The following MTCL1 variants were observed in gnomAD, a reference collection of about 807,000 sequenced individuals.
MTCL1 encodes microtubule cross-linking factor 1.
Under a neutral mutation model 141.4 loss-of-function variants are expected in MTCL1, and 79 were observed. The observed-to-expected ratio is 0.56, with a 90% CI of 0.47 to 0.67. The LOEUF (loss-of-function observed/expected upper bound fraction) is 0.67, where lower values mean the gene tolerates loss of function less well. Ranked by LOEUF, MTCL1 falls within the 30% of genes least tolerant of loss-of-function variation. The probability of loss-of-function intolerance (pLI) is 0.00; values close to 1 mark genes in which losing one functional copy is unlikely to be tolerated. For missense variants in MTCL1, 2,177 were observed against 2,113.9 expected (o/e 1.03, Z -0.59); for synonymous variants, 914 against 875.8 (o/e 1.04, Z -0.77).
chr18:8,786,118 C>CCA, intron 7 of MTCL1, 27 bp downstream of exon 6: 4 of 1,400,600 alleles, frequency 2.9e-6, no homozygotes, highest in South Asian at 1.3e-5. Flanking sequence ...AATCCCCCCC[C>CCA]CCCGCCCTCC....
At chr18:8,733,402 TTTTG>T (rs565173859) in intron 4 of MTCL1, among the ~76,000 whole-genome samples, 175 of 152,188 alleles carry the variant, frequency 1.1e-3, no homozygotes, top group African/African-American at 3.9e-3. Context: ...CGGCCTCATT[TTTTG>T]TTTGTTTGTT....
intron 11 of MTCL1, among the ~76,000 whole-genome samples, chr18:8,811,917 G>C (rs2076501004): frequency 6.6e-6 from 1 of 152,224 alleles, no homozygotes; most frequent in Non-Finnish European, 1.5e-5. Flanking sequence ...TGCAGTTTTA[G>C]TGTTTGCCCT....
At position 8,810,817 on chromosome 18, in the gene MTCL1, C is replaced by T. The variant is rs188319590; in HGVS notation, c.2605-2162C>T. Among the ~76,000 whole-genome samples the T allele has an allele frequency of 3.9e-5, 6 of 152,290 alleles. No individual in the cohort carries two copies. In the East Asian group the frequency reaches 9.6e-4, roughly 24 times the overall value. ...ATTTTATAAATAATTGATCAAGAAGCGTCACCACTGACCTGTGCCCGTGGC... is the reference window on the plus strand; with the variant it reads ...ATTTTATAAATAATTGATCAAGAAGTGTCACCACTGACCTGTGCCCGTGGC... On this transcript the variant is annotated intron_variant, in intron 11 of 16. Transcript: ENST00000359865. This position sits in a 1 kb window ranked among gnomAD's most constrained non-coding sequence, Gnocchi z 5.0.
chr18:8,828,815 G>A lies in MTCL1; in HGVS notation c.4723-93G>A. Reference sequence around the variant, plus strand: ...GAGAGGGATGGTCCTCTACCTCCGGGCTTGCTGACTTTAAACCTTTATTGT... The same window carrying A: ...GAGAGGGATGGTCCTCTACCTCCGGACTTGCTGACTTTAAACCTTTATTGT... On this transcript the variant is annotated intron_variant, in intron 15 of 16. Transcript: ENST00000359865. The surrounding 1 kb of genome is among the most constrained non-coding windows in gnomAD (Gnocchi z 5.2). The A allele has an allele frequency of 6.3e-7, 1 of 1,592,252 alleles. No homozygotes were observed. The highest frequency in any genetic ancestry group is 2.2e-5 in the East Asian group (1 of 44,508).
chr18:8,724,967 CTTTT>C (rs11336536), intron 4 of MTCL1, among the ~76,000 whole-genome samples: 2 of 145,918 alleles, frequency 1.4e-5, no homozygotes, highest in Admixed American at 6.8e-5. Flanking sequence ...CAATTTTCAT[CTTTT>C]TTTTTTTTTC....
chr18:8,760,763 C>A (rs767962317), intron 4 of MTCL1, among the ~76,000 whole-genome samples: 2 of 152,100 alleles, frequency 1.3e-5, no homozygotes, highest in Non-Finnish European at 2.9e-5. Context: ...TTGTAGAAGG[C>A]ACTCCTCCAT....
chr18:8,738,052 T>C (rs2096282954), intron 4 of MTCL1, among the ~76,000 whole-genome samples: 1 of 152,226 alleles, frequency 6.6e-6, no homozygotes, highest in Admixed American at 6.5e-5. Context: ...ATTTCATAGC[T>C]AATATCATTT....
chr18:8,795,612 C>T (rs62086596), intron 8 of MTCL1, among the ~76,000 whole-genome samples: 1 of 152,102 alleles, frequency 6.6e-6, no homozygotes, highest in Non-Finnish European at 1.5e-5. Flanking sequence ...GAGATATGCA[C>T]ATCTAATAGG....
At chr18:8,784,053 C>T (rs2096541823) in exon 6 of MTCL1, 2 of 1,613,430 alleles carry the variant, frequency 1.2e-6, no homozygotes, top group Non-Finnish European at 1.7e-6. Flanking sequence ...TTTGAGCCTC[C>T]CCGGGAGCCG....
At position 8,805,880 on chromosome 18, in the gene MTCL1, G is replaced by A. The variant is rs185070241; in HGVS notation, c.2437-1013G>A. Reference sequence around the variant, plus strand: ...ATCAAGGTACCATAATTGATTCAGCGTGTTTCATTCATTTGGCCAAACCCT... The same window carrying A: ...ATCAAGGTACCATAATTGATTCAGCATGTTTCATTCATTTGGCCAAACCCT... On this transcript the variant is annotated intron_variant, in intron 10 of 16. Transcript: ENST00000359865. Among the ~76,000 whole-genome samples, 39 of 152,312 alleles carry A rather than the reference G, an allele frequency of 2.6e-4. No homozygotes were observed. In the East Asian group the frequency reaches 6.2e-3, roughly 24 times the overall value.
intron 1 of MTCL1, among the ~76,000 whole-genome samples, chr18:8,711,302 G>A (rs1181012254): frequency 6.9e-6 from 1 of 145,702 alleles, no homozygotes; most frequent in Admixed American, 6.9e-5. Flanking sequence ...TTGGACATTT[G>A]GGTTGGTTCC....
chr18:8,706,102 C>T, exon 1 of MTCL1: 2 of 1,208,684 alleles, frequency 1.7e-6, no homozygotes, highest in Non-Finnish European at 2.1e-6. Context: ...TGGGAAGCCT[C>T]CCGGAGCCGA....
At chr18:8,752,409 AT>A (rs376777776) in intron 4 of MTCL1, among the ~76,000 whole-genome samples, 1 of 151,946 alleles carries the variant, frequency 6.6e-6, no homozygotes, top group Non-Finnish European at 1.5e-5. Context: ...TTTAAATCGA[AT>A]TTTTTTTGTG....
chr18:8,792,542 G>T (rs1251727639), intron 7 of MTCL1, among the ~76,000 whole-genome samples: 2 of 152,128 alleles, frequency 1.3e-5, no homozygotes, highest in Non-Finnish European at 2.9e-5. Flanking sequence ...GAAAGCATAT[G>T]AAAAAATTAA....
rs116675563 is a variant in MTCL1, at chr18:8,736,059, C to T, written c.357+15563C>T. Among the ~76,000 whole-genome samples the T allele has an allele frequency of 5.8e-3, 887 of 152,234 alleles. 15 individuals are homozygous for T. Among genetic ancestry groups the T allele is most frequent in the African/African-American group, 0.019 (804 of 41,530 alleles). On this transcript the variant is annotated intron_variant, in intron 4 of 16. Coordinates refer to ENST00000359865, the Ensembl canonical transcript of MTCL1. ...GAAGACAAATAATTAAGTCCTTCTC[C>T]TCACTTTTTAATCCTGTGTCACATA...
In MTCL1 at chr18:8,817,654, A is replaced by G. The variant is rs150158370; in HGVS notation, c.2860-1309A>G. ...TGTAGTGATGCTTAAAAAAAAATGA[A>G]TTGATCTGCATTCAAGGAGGTTTTA... On this transcript the variant is annotated intron_variant, in intron 12 of 16. Coordinates refer to ENST00000359865, the Ensembl canonical transcript of MTCL1. Among the ~76,000 whole-genome samples, 288 of 152,304 alleles carry G rather than the reference A, an allele frequency of 1.9e-3. 1 individual carries two copies. Among genetic ancestry groups the G allele is most frequent in the Admixed American group, 3.9e-3 (60 of 15,296 alleles).
rs2096060796 is a variant in MTCL1, at chr18:8,706,861, G to T, written c.1053+148G>T. 4 of 1,359,740 alleles carry T rather than the reference G, an allele frequency of 2.9e-6. No individual in the cohort carries two copies. In the Admixed American group the frequency reaches 1.2e-4, roughly 42 times the overall value. 84.2% of individuals were successfully genotyped at this position (1,359,740 alleles called of 1,614,324 possible). A position where few individuals can be genotyped will look rare whatever the true frequency, so the allele number is the denominator to read the frequency against. On this transcript the variant is annotated intron_variant, in intron 1 of 13. Transcript: ENST00000306329. The stretch of plus-strand genomic sequence containing the variant: ...CCTACCCCCGCATTGTCAGGCATTG[G>T]CAACTTAAGCCCAAACTTCTGGAAG...
intron 4 of MTCL1, among the ~76,000 whole-genome samples, chr18:8,747,216 G>C (rs1237357675): frequency 6.6e-6 from 1 of 152,220 alleles, no homozygotes; most frequent in African/African-American, 2.4e-5. Flanking sequence ...CCCACCCACT[G>C]AACGGCTTCA....
chr18:8,812,547 A>T (rs550172202), intron 11 of MTCL1, among the ~76,000 whole-genome samples: 1 of 152,202 alleles, frequency 6.6e-6, no homozygotes, highest in Non-Finnish European at 1.5e-5. Flanking sequence ...AGTACATAAG[A>T]TGTAGAATCT....
Sources: gnomAD v4.1 joint callset for allele counts (sites outside exome capture counted in the v4.1 genomes callset) on GRCh38, gnomAD v4.1.1 for gene constraint, Gnocchi (gnomAD v3.1) non-coding constraint, MANE v1.5 for transcripts, NCBI Gene and HGNC (gene_info 2026-07-23, HGNC 2026-07-21) for gene names.